The following STOX2 variants were observed in gnomAD, a reference collection of about 807,000 sequenced individuals.
STOX2 encodes the protein storkhead-box protein 2.
A neutral mutation model predicts 60.9 loss-of-function variants in STOX2; 28 were observed. That is an observed-to-expected ratio of 0.46 (90% CI 0.34 to 0.63). The LOEUF (loss-of-function observed/expected upper bound fraction) is 0.63, where lower values mean the gene tolerates loss of function less well. Ranked by LOEUF, STOX2 falls within the 30% of genes least tolerant of loss-of-function variation. STOX2 has a pLI of 0.01. For synonymous variants in STOX2, 472 were observed against 463.9 expected, an observed-to-expected ratio of 1.02 and a Z score of -0.22; for missense variants, 1,024 against 1,187.7, an observed-to-expected ratio of 0.86 and a Z score of 2.03.
intron 1 of STOX2, among the ~76,000 whole-genome samples, chr4:183,962,286 A>G (rs1251710691): frequency 6.6e-6 from 1 of 152,164 alleles, no homozygotes; most frequent in Non-Finnish European, 1.5e-5. Context: ...TAATCGTCAT[A>G]GGAAGACAAC....
chr4:183,864,518 C>T (rs1452133111), intron 1 of STOX2, among the ~76,000 whole-genome samples: 3 of 152,070 alleles, frequency 2.0e-5, no homozygotes, highest in African/African-American at 2.4e-5. Context: ...CTCAGCCTCC[C>T]GAGTAGCTGG....
chr4:183,884,397 G>A (rs538190000), intron 1 of STOX2, among the ~76,000 whole-genome samples: 196 of 152,154 alleles, frequency 1.3e-3, no homozygotes, highest in Admixed American at 3.7e-3. Flanking sequence ...TATTGGTTTG[G>A]GAGGCTGAGG....
intron 1 of STOX2, among the ~76,000 whole-genome samples, chr4:183,996,938 T>A (rs1467180633): frequency 1.3e-5 from 2 of 152,220 alleles, no homozygotes; most frequent in Admixed American, 6.5e-5. Flanking sequence ...ATTACAGTCC[T>A]TTAAGATGAC....
intron 1 of STOX2, among the ~76,000 whole-genome samples, chr4:183,851,716 T>A (rs1740144348): frequency 8.7e-6 from 1 of 114,824 alleles, no homozygotes; most frequent in Admixed American, 8.3e-5. Context: ...AGGGAAAGGA[T>A]GAGAGAAAGG....
chr4:183,944,144 A>G (rs1324547420), intron 1 of STOX2, among the ~76,000 whole-genome samples: 4 of 152,246 alleles, frequency 2.6e-5, no homozygotes, highest in Admixed American at 1.3e-4. Context: ...TTCACAGAGT[A>G]GCTGACAATG....
intron 1 of STOX2, among the ~76,000 whole-genome samples, chr4:183,875,926 T>C (rs1740819188): frequency 6.6e-6 from 1 of 152,178 alleles, no homozygotes. Context: ...CTTACTATGT[T>C]GCTCAGGTCC....
intron 1 of STOX2, among the ~76,000 whole-genome samples, chr4:183,972,912 G>A (rs1743785016): frequency 6.6e-6 from 1 of 152,162 alleles, no homozygotes; most frequent in African/African-American, 2.4e-5. Flanking sequence ...ATGCAGAAGT[G>A]AGTGGTAATT....
In STOX2 at chr4:183,905,602, G is replaced by T. The variant is rs1741570757; in HGVS notation, c.-1189G>T. 6.6e-6 allele frequency: 1 copy of T among 152,248 alleles called. No individual in the cohort carries two copies. 9.4% of individuals were successfully genotyped at this position (152,248 alleles called of 1,614,324 possible). On this transcript the variant is annotated 5_prime_UTR_variant, in exon 1 of 4. Transcript: ENST00000308497. ...GAAGGCTGGCTCGCTGTCTCTCTCCGAGCGGGAGGGACCATCCTAAAAATA... is the reference window on the plus strand; with the variant it reads ...GAAGGCTGGCTCGCTGTCTCTCTCCTAGCGGGAGGGACCATCCTAAAAATA...
rs866059536 is a variant in STOX2 at position 184,011,276 on chromosome 4, A to G, written c.2438A>G (p.Asp813Gly). The stretch of plus-strand genomic sequence containing the variant: ...CTCCTCGAGCGGGAGAAGGAAAGAG[A>G]CTTGCAGAGGAAATTTGAAAAGAAC... ...QWLLEREKER[D>G]LQRKFEKNLT... The change falls in exon 3 of 4, where the codon GAC (aspartate) becomes GGC (glycine). Residue 813 changes from aspartate (D) to glycine (G), a missense_variant. By Grantham distance (94) the Asp-to-Gly change is moderately conservative. Around this residue, in one of 3 missense-constraint regions of STOX2, gnomAD observed 922 missense variants for 1,058.3 expected, o/e 0.87. Coordinates refer to ENST00000308497, the MANE Select transcript of STOX2 (RefSeq NM_020225.3). This position sits in a 1 kb window ranked among gnomAD's most constrained non-coding sequence, Gnocchi z 4.4. The G allele has an allele frequency of 6.2e-7, 1 of 1,613,904 alleles. No individual in the cohort carries two copies. The highest frequency in any genetic ancestry group is 1.6e-4 in the Middle Eastern group (1 of 6,062).
intron 1 of STOX2, among the ~76,000 whole-genome samples, chr4:183,966,939 A>T (rs1743589995): frequency 6.6e-6 from 1 of 152,214 alleles, no homozygotes; most frequent in Admixed American, 6.5e-5. Flanking sequence ...CATTCATGAA[A>T]TGGAGATAAT....
intron 1 of STOX2, among the ~76,000 whole-genome samples, chr4:183,885,116 G>A (rs977887299): frequency 1.3e-5 from 2 of 152,138 alleles, no homozygotes; most frequent in Non-Finnish European, 2.9e-5. Flanking sequence ...GGCCACAGAC[G>A]CACCTTGTGA....
chr4:184,000,708 GC>G (rs1218111116), intron 1 of STOX2, among the ~76,000 whole-genome samples: 3 of 152,120 alleles, frequency 2.0e-5, no homozygotes, highest in Non-Finnish European at 4.4e-5. Context: ...CTGCTTCTGA[GC>G]CCCACCCTCG....
intron 1 of STOX2, among the ~76,000 whole-genome samples, chr4:183,937,683 G>A (rs1030628679): frequency 2.8e-4 from 42 of 152,294 alleles, no homozygotes; most frequent in African/African-American, 1.0e-3. Context: ...TCAGGACCTT[G>A]TTCACAACGT....
At chr4:183,896,489 A>G (rs1256874409) in intron 1 of STOX2, among the ~76,000 whole-genome samples, 1 of 152,076 alleles carries the variant, frequency 6.6e-6, no homozygotes, top group East Asian at 1.9e-4. Flanking sequence ...CTACAGGTGC[A>G]CCCCACCATA....
intron 2 of STOX2, among the ~76,000 whole-genome samples, chr4:184,005,353 G>A (rs563808740): frequency 3.7e-5 from 5 of 134,076 alleles, no homozygotes; most frequent in African/African-American, 1.0e-4. Flanking sequence ...CCAGCTACTC[G>A]GTGGCTGAGG....
intron 1 of STOX2, among the ~76,000 whole-genome samples, chr4:183,999,377 A>T (rs1327001536): frequency 1.3e-5 from 2 of 152,030 alleles, no homozygotes; most frequent in African/African-American, 4.8e-5. Flanking sequence ...GATGCCTATG[A>T]CCCATAGGCC....
At chr4:183,971,361 CA>C (rs1208869325) in intron 1 of STOX2, among the ~76,000 whole-genome samples, 1 of 152,106 alleles carries the variant, frequency 6.6e-6, no homozygotes, top group Admixed American at 6.6e-5. Context: ...ACAATGAACT[CA>C]ATAATTATAT....
intron 1 of STOX2, among the ~76,000 whole-genome samples, chr4:183,837,914 C>T (rs1323183033): frequency 6.6e-6 from 1 of 152,058 alleles, no homozygotes; most frequent in East Asian, 1.9e-4. Context: ...CTGCTGTGGA[C>T]GTGGGTGTGC....
chr4:183,863,288 G>C (rs946359875), intron 1 of STOX2, among the ~76,000 whole-genome samples: 3 of 152,182 alleles, frequency 2.0e-5, no homozygotes, highest in African/African-American at 7.2e-5. Context: ...GGCCATAGGA[G>C]CTCTTTTGTA....
Sources: allele counts gnomAD v4.1 joint callset (sites outside exome capture counted in the v4.1 genomes callset), GRCh38; gene constraint gnomAD v4.1.1; regional missense constraint gnomAD v4.1.1; non-coding constraint Gnocchi (gnomAD v3.1); transcripts MANE v1.5; gene names NCBI Gene and HGNC (gene_info 2026-07-23, HGNC 2026-07-21).